The following SLC10A7 variants were observed in gnomAD, a reference collection of about 807,000 sequenced individuals.
The protein encoded by SLC10A7 is solute carrier family 10 member 7.
SLC10A7 carries 29 observed loss-of-function variants against 43.2 expected under a neutral mutation model. The observed-to-expected ratio is 0.67, with a 90% CI of 0.50 to 0.92. The LOEUF is 0.92. Among genes scored for constraint, SLC10A7 ranks in the 40% least tolerant of loss-of-function variants. The pLI is 0.00. For missense variants in SLC10A7, 295 were observed against 403.2 expected (o/e 0.73, Z 2.30); for synonymous variants, 152 against 144.8 (o/e 1.05, Z -0.35).
chr4:146,426,183 T>C (rs1390689618), intron 5 of SLC10A7, among the ~76,000 whole-genome samples: 3 of 152,190 alleles, frequency 2.0e-5, no homozygotes, highest in African/African-American at 7.2e-5. Context: ...GACAATCAGG[T>C]GCTCAGGATC....
At chr4:146,357,601 C>T (rs377627079) in intron 5 of SLC10A7, among the ~76,000 whole-genome samples, 5 of 152,120 alleles carry the variant, frequency 3.3e-5, no homozygotes, top group Non-Finnish European at 7.3e-5. Context: ...TGAAGCAATA[C>T]GTGAAAGGTA....
intron 6 of SLC10A7, among the ~76,000 whole-genome samples, chr4:146,306,714 C>T (rs1004096176): frequency 1.4e-4 from 21 of 152,148 alleles, no homozygotes; most frequent in African/African-American, 5.1e-4. Flanking sequence ...CACAGTAACA[C>T]ACTCACGTTA....
chr4:146,356,256 T>C (rs1735620289), intron 5 of SLC10A7, among the ~76,000 whole-genome samples: 1 of 152,200 alleles, frequency 6.6e-6, no homozygotes, highest in South Asian at 2.1e-4. Context: ...ATTACGCACA[T>C]GAAATGTGAA....
chr4:146,397,292 C>T (rs1442688565), intron 5 of SLC10A7, among the ~76,000 whole-genome samples: 1 of 152,158 alleles, frequency 6.6e-6, no homozygotes, highest in Non-Finnish European at 1.5e-5. Context: ...GCCACTTGCA[C>T]ACTATATGTC....
intron 5 of SLC10A7, among the ~76,000 whole-genome samples, chr4:146,336,463 T>C (rs1028719430): frequency 2.0e-5 from 3 of 152,068 alleles, no homozygotes; most frequent in Non-Finnish European, 4.4e-5. Flanking sequence ...GTTAATAGTG[T>C]GTACAATCCA....
At chr4:146,319,783 T>G (rs1277765764) in intron 6 of SLC10A7, among the ~76,000 whole-genome samples, 1 of 152,004 alleles carries the variant, frequency 6.6e-6, no homozygotes, top group African/African-American at 2.4e-5. Flanking sequence ...GCTTATATGC[T>G]AATAGAAATA....
At chr4:146,516,502 A>C (rs1023086006) in intron 2 of SLC10A7, among the ~76,000 whole-genome samples, 1 of 149,970 alleles carries the variant, frequency 6.7e-6, no homozygotes, top group East Asian at 2.0e-4. Flanking sequence ...ATATACATAT[A>C]CACATACATA....
At chr4:146,388,086 A>G (rs570832669) in intron 5 of SLC10A7, among the ~76,000 whole-genome samples, 12 of 152,228 alleles carry the variant, frequency 7.9e-5, no homozygotes, top group Non-Finnish European at 1.3e-4. Context: ...TAAAATTCAC[A>G]GGGAACTAAA....
At chr4:146,367,497 A>T (rs1461860115) in intron 5 of SLC10A7, among the ~76,000 whole-genome samples, 1 of 152,110 alleles carries the variant, frequency 6.6e-6, no homozygotes, top group African/African-American at 2.4e-5. Context: ...TGTATTAGAG[A>T]GTATAGGTTC....
At chr4:146,466,583 T>C (rs573886649) in intron 4 of SLC10A7, among the ~76,000 whole-genome samples, 5 of 152,340 alleles carry the variant, frequency 3.3e-5, no homozygotes, top group African/African-American at 1.2e-4. Context: ...CAGGAAGTTA[T>C]AATGCAATTA....
At chr4:146,336,280 GA>G (rs1733889221) in intron 5 of SLC10A7, among the ~76,000 whole-genome samples, 1 of 152,092 alleles carries the variant, frequency 6.6e-6, no homozygotes, top group Non-Finnish European at 1.5e-5. Context: ...CTTTGAATTA[GA>G]AATTATATTT....
intron 4 of SLC10A7, among the ~76,000 whole-genome samples, chr4:146,446,740 T>TTATCTATCTATCTATC (rs150949685): frequency 7.0e-6 from 1 of 143,712 alleles, no homozygotes; most frequent in Non-Finnish European, 1.5e-5. Flanking sequence ...GTGAGAAGGT[T>TTATCTATCTATCTATC]TATCTATCTA....
At chr4:146,312,463 C>A (rs1732050887) in intron 6 of SLC10A7, among the ~76,000 whole-genome samples, 1 of 152,094 alleles carries the variant, frequency 6.6e-6, no homozygotes. Flanking sequence ...AATCACTTAG[C>A]AAATTTTAAA....
At chr4:146,516,972 T>C (rs2150059364) in intron 2 of SLC10A7, 66 bp downstream of exon 2, 1 of 1,257,914 alleles carries the variant, frequency 7.9e-7, no homozygotes, top group Non-Finnish European at 1.1e-6. Context: ...AAAGGACTCT[T>C]AAATTTAAGT....
chr4:146,381,539 C>T (rs1737623997), intron 5 of SLC10A7, among the ~76,000 whole-genome samples: 1 of 152,094 alleles, frequency 6.6e-6, no homozygotes, highest in South Asian at 2.1e-4. Flanking sequence ...AAATAGACTT[C>T]ACAATTTGAA....
intron 5 of SLC10A7, among the ~76,000 whole-genome samples, chr4:146,382,987 C>T (rs1333030636): frequency 6.6e-6 from 1 of 152,044 alleles, no homozygotes; most frequent in Non-Finnish European, 1.5e-5. Context: ...CCTCTAGGCA[C>T]TGCCTCCTCA....
chr4:146,268,013 T>C (rs961268235), intron 10 of SLC10A7, among the ~76,000 whole-genome samples: 1 of 152,130 alleles, frequency 6.6e-6, no homozygotes, highest in Non-Finnish European at 1.5e-5. Flanking sequence ...GTGATCTCTG[T>C]GGGTGGCATA....
At chr4:146,389,153 G>T (rs1185760080) in intron 5 of SLC10A7, among the ~76,000 whole-genome samples, 1 of 152,092 alleles carries the variant, frequency 6.6e-6, no homozygotes, top group Non-Finnish European at 1.5e-5. Context: ...GGACATGGGA[G>T]ACTCCAAAAG....
chr4:146,506,683 A>T (rs555428753), intron 3 of SLC10A7, among the ~76,000 whole-genome samples: 1 of 152,210 alleles, frequency 6.6e-6, no homozygotes, highest in South Asian at 2.1e-4. Context: ...CATGGTTACC[A>T]TTGTAGTTCA....
Sources: gnomAD v4.1 joint callset for allele counts (sites outside exome capture counted in the v4.1 genomes callset) on GRCh38, gnomAD v4.1.1 for gene constraint, MANE v1.5 for transcripts, NCBI Gene and HGNC (gene_info 2026-07-23, HGNC 2026-07-21) for gene names.